Variants in NRG1 observed in about 807,000 individuals in gnomAD.
The protein encoded by NRG1 is pro-neuregulin-1, membrane-bound isoform.
A neutral mutation model predicts 63.8 loss-of-function variants in NRG1; 18 were observed. The ratio of observed to expected loss-of-function variants is 0.28; its 90% CI spans 0.19 to 0.42. NRG1 has a LOEUF of 0.42. Among genes scored for constraint, NRG1 ranks in the 10% least tolerant of loss-of-function variants. The pLI, the probability that NRG1 is intolerant of heterozygous loss-of-function variation, is 1.00. For synonymous variants in NRG1, 302 were observed against 301.3 expected (o/e 1.00, Z -0.02); for missense variants, 762 against 814.7 (o/e 0.94, Z 0.79).
At chr8:32,102,903 C>A (rs1317006825) in intron 1 of NRG1, among the ~76,000 whole-genome samples, 1 of 151,674 alleles carries the variant, frequency 6.6e-6, no homozygotes, top group Non-Finnish European at 1.5e-5. Context: ...TTTTTAATTT[C>A]TAATTTTTGT....
chr8:31,696,457 G>A (rs1375356923), intron 1 of NRG1, among the ~76,000 whole-genome samples: 9 of 152,120 alleles, frequency 5.9e-5, no homozygotes, highest in South Asian at 2.1e-4. Flanking sequence ...CTAACTAGGA[G>A]GGAAAAAAAC....
At chr8:32,603,276 G>A (rs1290768226) in intron 2 of NRG1, among the ~76,000 whole-genome samples, 1 of 152,086 alleles carries the variant, frequency 6.6e-6, no homozygotes, top group African/African-American at 2.4e-5. Context: ...GAGTTTGAGA[G>A]AAAATAAATA....
At chr8:32,501,211 G>T (rs1165874460) in intron 1 of NRG1, among the ~76,000 whole-genome samples, 1 of 152,150 alleles carries the variant, frequency 6.6e-6, no homozygotes, top group South Asian at 2.1e-4. Context: ...TAAGTCAATT[G>T]ATAAAGAAAT....
intron 1 of NRG1, among the ~76,000 whole-genome samples, chr8:31,836,284 A>G (rs1825682022): frequency 6.6e-6 from 1 of 152,204 alleles, no homozygotes; most frequent in Non-Finnish European, 1.5e-5. Context: ...GTAACAGAAA[A>G]TAAATTTTGA....
At chr8:32,676,499 T>C (rs549613542) in intron 5 of NRG1, among the ~76,000 whole-genome samples, 31 of 152,336 alleles carry the variant, frequency 2.0e-4, no homozygotes, top group African/African-American at 7.2e-4. Flanking sequence ...CATTTACTGC[T>C]CATGTGACCC....
rs868712886 is a variant in NRG1 at position 31,900,787 on chromosome 8, A to G, written c.37+261356A>G. Among the ~76,000 whole-genome samples, 8 of 152,288 alleles carry G rather than the reference A, an allele frequency of 5.3e-5. No individual in the cohort carries two copies. The Middle Eastern group carries it at 0.02, about 388-fold the overall frequency. ...AGCTGTGTATTTTTAATCACTTTCT[A>G]TAGCAATCAAGAATTTGCCATCAGA... On this transcript the variant is annotated intron_variant, in intron 1 of 10. Transcript: ENST00000519301.
intron 7 of NRG1, among the ~76,000 whole-genome samples, chr8:32,753,617 A>G (rs985933836): frequency 1.3e-5 from 2 of 152,160 alleles, no homozygotes; most frequent in Non-Finnish European, 2.9e-5. Context: ...CTTCCAAAGG[A>G]CAAGTCACCA....
intron 5 of NRG1, among the ~76,000 whole-genome samples, chr8:32,703,420 GTTTT>G (rs68040856): frequency 1.6e-5 from 2 of 127,256 alleles, no homozygotes. Flanking sequence ...CACTAATGAT[GTTTT>G]TTTTTTTTTT....
chr8:32,570,845 G>A (rs1838433031), intron 1 of NRG1, among the ~76,000 whole-genome samples: 3 of 152,132 alleles, frequency 2.0e-5, no homozygotes, highest in South Asian at 2.1e-4. Flanking sequence ...TATGAATTAT[G>A]ATTATAGGGT....
chr8:32,762,404 A>G (rs1355217949), intron 11 of NRG1, among the ~76,000 whole-genome samples: 1 of 152,210 alleles, frequency 6.6e-6, no homozygotes, highest in East Asian at 1.9e-4. Flanking sequence ...AATATTCCTG[A>G]ACCTAGAGAT....
At chr8:32,173,387 T>G (rs2132030014) in intron 1 of NRG1, among the ~76,000 whole-genome samples, 1 of 152,266 alleles carries the variant, frequency 6.6e-6, no homozygotes, top group South Asian at 2.1e-4. Context: ...TGCAAAAACA[T>G]GCCAAATTGT....
intron 1 of NRG1, among the ~76,000 whole-genome samples, chr8:32,007,609 G>A (rs1409564175): frequency 3.3e-5 from 5 of 151,950 alleles, no homozygotes; most frequent in Non-Finnish European, 4.4e-5. Flanking sequence ...AAATGTCCTC[G>A]GCCAGTTCAT....
At chr8:32,129,014 G>T (rs969008923) in intron 1 of NRG1, among the ~76,000 whole-genome samples, 1 of 151,800 alleles carries the variant, frequency 6.6e-6, no homozygotes, top group Middle Eastern at 3.2e-3. Flanking sequence ...TGCTTCCATG[G>T]CCCTCTATTA....
At chr8:32,369,695 T>TAAC (rs1183754217) in intron 1 of NRG1, among the ~76,000 whole-genome samples, 2 of 152,242 alleles carry the variant, frequency 1.3e-5, no homozygotes, top group African/African-American at 4.8e-5. Flanking sequence ...AATTTCAATG[T>TAAC]AACTTTTTAT....
At chr8:32,423,065 T>A (rs1016899328) in intron 1 of NRG1, among the ~76,000 whole-genome samples, 3 of 152,200 alleles carry the variant, frequency 2.0e-5, no homozygotes, top group African/African-American at 7.2e-5. Flanking sequence ...ATTGTTCTGG[T>A]CCAAACCCTA....
chr8:32,732,799 C>CTTTTTTTTTTT (rs1173388613), intron 6 of NRG1, among the ~76,000 whole-genome samples: 6 of 83,342 alleles, frequency 7.2e-5, no homozygotes, highest in African/African-American at 9.1e-5. Context: ...TGTTTAATTT[C>CTTTTTTTTTTT]TTTTTTTTTT....
At chr8:31,672,916 A>C (rs1807302578) in intron 1 of NRG1, among the ~76,000 whole-genome samples, 1 of 151,728 alleles carries the variant, frequency 6.6e-6, no homozygotes, top group African/African-American at 2.4e-5. Flanking sequence ...TTTGTGTCAT[A>C]AATATGCTTT....
At chr8:32,298,726 A>G (rs1418400299) in intron 1 of NRG1, among the ~76,000 whole-genome samples, 15 of 138,324 alleles carry the variant, frequency 1.1e-4, no homozygotes, top group African/African-American at 1.9e-4. Flanking sequence ...AAAAAAAAAA[A>G]AAAAGAAAAG....
chr8:31,717,497 G>A (rs1472729714), intron 1 of NRG1, among the ~76,000 whole-genome samples: 1 of 151,712 alleles, frequency 6.6e-6, no homozygotes, highest in Non-Finnish European at 1.5e-5. Flanking sequence ...TTTATAGGAG[G>A]ACATGTAGGA....
Sources: allele counts gnomAD v4.1 joint callset (sites outside exome capture counted in the v4.1 genomes callset), GRCh38; gene constraint gnomAD v4.1.1; transcripts MANE v1.5; gene names NCBI Gene and HGNC (gene_info 2026-07-23, HGNC 2026-07-21).